The following L3HYPDH variants were observed in gnomAD, a reference collection of about 807,000 sequenced individuals.
L3HYPDH encodes the protein trans-3-hydroxy-L-proline dehydratase.
Under a neutral mutation model 26.5 loss-of-function variants are expected in L3HYPDH, and 32 were observed. The observed-to-expected ratio is 1.21, with a 90% CI of 0.91 to 1.62. L3HYPDH has a LOEUF of 1.62. Among genes scored for constraint, L3HYPDH ranks in the 40% most tolerant of loss-of-function variants. The pLI, the probability that L3HYPDH is intolerant of heterozygous loss-of-function variation, is 0.00. For synonymous variants in L3HYPDH, 215 were observed against 196.6 expected (o/e 1.09, Z -0.78); for missense variants, 554 against 476.4 (o/e 1.16, Z -1.52).
chr14:59,484,373 T>G lies in L3HYPDH; in HGVS notation c.-57A>C, dbSNP rs1354700741. 2.1e-5 allele frequency: 32 copies of G among 1,509,116 alleles called. No homozygotes were observed. The highest frequency in any genetic ancestry group is 2.9e-5 in the Non-Finnish European group (32 of 1,122,502). The allele number at this position is 1,509,116 out of a possible 1,614,324, so 93.5% of individuals were successfully genotyped here. On this transcript the variant is annotated 5_prime_UTR_variant, in exon 1 of 5. Transcript: ENST00000247194. ...GCAGCTATGGCTTCAAGCCCGACCC[T>G]CACCCACTGACTCCGCGGGAGGAGG...
chr14:59,475,734 A>G, intron 4 of L3HYPDH, 135 bp downstream of exon 4: 1 of 969,348 alleles, frequency 1.0e-6, no homozygotes, highest in Non-Finnish European at 1.5e-6. Flanking sequence ...TCCTAGTTGA[A>G]AAGAAGTTTT....
chr14:59,469,686 G>A (rs972051063), downstream of L3HYPDH, among the ~76,000 whole-genome samples: 2 of 151,910 alleles, frequency 1.3e-5, no homozygotes, highest in Admixed American at 6.6e-5. Flanking sequence ...TTGTGAATAG[G>A]AGCCAAGGGT....
chr14:59,475,283 G>A (rs937237861), intron 4 of L3HYPDH: 1 of 151,932 alleles, frequency 6.6e-6, no homozygotes, highest in South Asian at 2.1e-4. Context: ...AAGATTTGAG[G>A]ACCCCAAAGA....
chr14:59,477,801 A>G (rs1199978425), intron 2 of L3HYPDH, among the ~76,000 whole-genome samples: 2 of 152,198 alleles, frequency 1.3e-5, no homozygotes, highest in Non-Finnish European at 2.9e-5. Context: ...TCAGAAAATG[A>G]TAATTATTCG....
At position 59,483,846 on chromosome 14, in the gene L3HYPDH, C is replaced by T. The variant is rs759092512; in HGVS notation, c.471G>A (p.Val157=). Residue 157 remains valine (V), a synonymous_variant, in exon 1 of 5, where the codon GTG becomes GTA. Coordinates refer to ENST00000247194, the MANE Select transcript of L3HYPDH (RefSeq NM_144581.2). ...CGAAGGCCGGGACGCTGTGGAAGCG[C>T]ACCGGTCCGTGGCTGCGGCCGTCCT... ...ACEDGRSHGP[V]RFHSVPAFVL... is the part of the protein sequence containing the mutation. 1 of 1,588,214 alleles carries T rather than the reference C, an allele frequency of 6.3e-7. No individual in the cohort carries two copies. The highest frequency in any genetic ancestry group is 2.3e-5 in the East Asian group (1 of 44,150).
downstream of L3HYPDH, among the ~76,000 whole-genome samples, chr14:59,468,731 C>G (rs1225534138): frequency 6.6e-6 from 1 of 152,156 alleles, no homozygotes; most frequent in Non-Finnish European, 1.5e-5. Context: ...TAACAAACTG[C>G]TATACAAATG....
At chr14:59,487,494 A>C, upstream of L3HYPDH, 1 of 510,644 alleles carries the variant, frequency 2.0e-6, no homozygotes, top group Non-Finnish European at 3.5e-6. Context: ...TTGTACAAAT[A>C]TAGCACATAC....
chr14:59,496,247 T>G, the L3HYPDH span, among the ~76,000 whole-genome samples: 6 of 150,436 alleles, frequency 4.0e-5, no homozygotes, highest in African/African-American at 1.5e-4. Flanking sequence ...ATTTTATAGA[T>G]ATATATATAT....
Position 59,483,974 on chromosome 14 carries a change from C to T in L3HYPDH, c.343G>A (p.Ala115Thr), listed in dbSNP as rs1447564749. The T allele has an allele frequency of 6.3e-7, 1 of 1,574,988 alleles. No individual in the cohort carries two copies. Among genetic ancestry groups the T allele is most frequent in the Non-Finnish European group, 8.6e-7 (1 of 1,166,086 alleles). Residue 115 changes from alanine to threonine, a missense_variant, in exon 1 of 5, where the codon GCT (alanine) becomes ACT (threonine). Coordinates refer to ENST00000247194, the MANE Select transcript of L3HYPDH (RefSeq NM_144581.2). The part of the protein sequence containing the change: ...GHAVLALGRF[A>T]LDFGLVPAPP... Reference sequence around the variant, plus strand: ...GCCGGCACAAGCCCGAAGTCCAAAGCGAAGCGGCCCAGCGCCAGCACTGCG... The same window carrying T: ...GCCGGCACAAGCCCGAAGTCCAAAGTGAAGCGGCCCAGCGCCAGCACTGCG...
At chr14:59,479,372 G>A in intron 1 of L3HYPDH, 21 bp from the exon 2 acceptor site, 2 of 1,600,472 alleles carry the variant, frequency 1.2e-6, no homozygotes, top group Non-Finnish European at 1.7e-6. Flanking sequence ...GATGTGTTTG[G>A]AAAGAAGATG....
At chr14:59,469,750 A>C (rs1889268425), downstream of L3HYPDH, among the ~76,000 whole-genome samples, 1 of 152,090 alleles carries the variant, frequency 6.6e-6, no homozygotes, top group South Asian at 2.1e-4. Context: ...AAGTTAGGAA[A>C]TATGGGAAGA....
the L3HYPDH span, chr14:59,504,942 TTGGTTTG>T: frequency 9.4e-6 from 2 of 211,942 alleles, no homozygotes; most frequent in African/African-American, 4.6e-5. Context: ...TTTCCTGTGG[TTGGTTTG>T]TGGTTTGTGA....
chr14:59,465,722 A>G (rs1262224205), intron 1 of L3HYPDH, among the ~76,000 whole-genome samples: 2 of 152,226 alleles, frequency 1.3e-5, no homozygotes, highest in Non-Finnish European at 2.9e-5. Flanking sequence ...CAGGTAGGAA[A>G]GGAATCTAGA....
chr14:59,493,370 A>G, the L3HYPDH span, among the ~76,000 whole-genome samples: 1 of 152,240 alleles, frequency 6.6e-6, no homozygotes, highest in Admixed American at 6.5e-5. Context: ...TAAATGCTGC[A>G]GCATGGTCAA....
downstream of L3HYPDH, among the ~76,000 whole-genome samples, chr14:59,472,418 G>A (rs1889337975): frequency 6.6e-6 from 1 of 152,122 alleles, no homozygotes; most frequent in Admixed American, 6.6e-5. Flanking sequence ...GTAGAAGCTG[G>A]GCTTTGTGCC....
chr14:59,479,094 CATTTA>C (rs1889835564), intron 2 of L3HYPDH, 83 bp downstream of exon 2: 1 of 982,784 alleles, frequency 1.0e-6, no homozygotes. Context: ...ATTTAAACAT[CATTTA>C]ATTTTCTTTA....
At chr14:59,483,596 C>A (rs1890218930) in intron 1 of L3HYPDH, 2 of 1,431,988 alleles carry the variant, frequency 1.4e-6, no homozygotes, top group Admixed American at 2.9e-5. Flanking sequence ...TCTCCCAAAA[C>A]CACAGGCGGA....
upstream of L3HYPDH, chr14:59,487,046 G>A: frequency 3.1e-6 from 1 of 321,496 alleles, no homozygotes; most frequent in Non-Finnish European, 5.7e-6. Flanking sequence ...GCTAAAAATA[G>A]AAAAAAATTA....
In L3HYPDH at chr14:59,484,214, C is replaced by A; in HGVS notation, c.103G>T (p.Val35Leu). ...MHTGGEPLRI[V>L]LAGCPEVSGP... The stretch of plus-strand genomic sequence containing the variant: ...GACACCTCCGGACACCCCGCCAGCA[C>A]GATACGCAAGGGCTCGCCGCCCGTG... Residue 35 changes from valine (V) to leucine (L), a missense_variant, in exon 1 of 5, where the codon GTG (valine) becomes TTG (leucine). Transcript: ENST00000247194. 3 of 1,598,794 alleles carry A rather than the reference C, an allele frequency of 1.9e-6. No homozygotes were observed. The highest frequency in any genetic ancestry group is 2.2e-5 in the East Asian group (1 of 44,856).
Sources: allele counts gnomAD v4.1 joint callset (sites outside exome capture counted in the v4.1 genomes callset), GRCh38; gene constraint gnomAD v4.1.1; transcripts MANE v1.5; gene names NCBI Gene and HGNC (gene_info 2026-07-23, HGNC 2026-07-21).